CLIC5: variants seen among roughly 807,000 people sequenced by gnomAD.
CLIC5 encodes CLIC family member 5.
CLIC5 carries 20 observed loss-of-function variants against 24.7 expected under a neutral mutation model. That is an observed-to-expected ratio of 0.81 (90% CI 0.57 to 1.18). The LOEUF is 1.18. CLIC5 is among the 50% of genes most tolerant of loss of function. The pLI is 0.00. For missense variants in CLIC5, 341 were observed against 326.1 expected, an observed-to-expected ratio of 1.05 and a Z score of -0.35; for synonymous variants, 159 against 135.6, an observed-to-expected ratio of 1.17 and a Z score of -1.20.
At chr6:46,109,665 T>C in the CLIC5 span, among the ~76,000 whole-genome samples, 2 of 152,178 alleles carry the variant, frequency 1.3e-5, no homozygotes, top group African/African-American at 2.4e-5. Context: ...CATTGCTGAT[T>C]CTTTTTATGT....
At chr6:46,032,494 G>T (rs1183332425) in intron 1 of CLIC5, among the ~76,000 whole-genome samples, 2 of 152,094 alleles carry the variant, frequency 1.3e-5, no homozygotes, top group African/African-American at 4.8e-5. Context: ...TTTTTCACAA[G>T]AAGTTAGGTG....
intron 3 of CLIC5, among the ~76,000 whole-genome samples, chr6:45,948,728 GA>G (rs1163861452): frequency 6.6e-6 from 1 of 152,062 alleles, no homozygotes. Context: ...TACTCTCCCT[GA>G]ACCTGTTTGC....
At chr6:45,935,941 A>T (rs1477080253) in intron 4 of CLIC5, among the ~76,000 whole-genome samples, 2 of 152,110 alleles carry the variant, frequency 1.3e-5, no homozygotes, top group Non-Finnish European at 2.9e-5. Context: ...TAAAACAACA[A>T]CAACAACAAT....
At chr6:46,107,600 A>G in the CLIC5 span, among the ~76,000 whole-genome samples, 1 of 152,252 alleles carries the variant, frequency 6.6e-6, no homozygotes, top group Non-Finnish European at 1.5e-5. Flanking sequence ...GTACATAAGA[A>G]AAGTAGGAAG....
At chr6:46,087,275 G>A in the CLIC5 span, among the ~76,000 whole-genome samples, 1 of 152,116 alleles carries the variant, frequency 6.6e-6, no homozygotes, top group African/African-American at 2.4e-5. Context: ...AAACACAAAA[G>A]GGGACATTAA....
Position 45,912,339 on chromosome 6 carries a change from C to T in CLIC5, c.588+1889G>A, listed in dbSNP as rs111377022. 1,393 of 1,020,114 alleles carry T rather than the reference C, an allele frequency of 1.4e-3. 13 individuals are homozygous for T. The African/African-American group carries it at 0.021, about 15-fold the overall frequency. The allele number at this position is 1,020,114 out of a possible 1,614,324, so 63.2% of individuals were successfully genotyped here. A position where few individuals can be genotyped will look rare whatever the true frequency, so the allele number is the denominator to read the frequency against. On this transcript the variant is annotated intron_variant, in intron 5 of 5. Coordinates refer to ENST00000339561, the MANE Select transcript of CLIC5 (RefSeq NM_016929.5). ...TCTCCAGCTTCTCTGGGTTAACCAC[C>T]CACTGAATTTTCTCCAAGGACAGGG...
chr6:45,903,072 G>A lies in CLIC5; in HGVS notation c.*16C>T. 1 of 1,613,872 alleles carries A rather than the reference G, an allele frequency of 6.2e-7. No homozygotes were observed. Among genetic ancestry groups the A allele is most frequent in the Middle Eastern group, 1.7e-4 (1 of 5,978 alleles). Reference sequence around the variant, plus strand: ...TTGAGTCCTTCTGCAGCGGGGATGGGGCAAAATGGCTGTGCTCAGGATCGG... The same window carrying A: ...TTGAGTCCTTCTGCAGCGGGGATGGAGCAAAATGGCTGTGCTCAGGATCGG... On this transcript the variant is annotated 3_prime_UTR_variant, in exon 6 of 6. Transcript: ENST00000339561.
At chr6:46,042,895 TG>T (rs1224056784) in intron 1 of CLIC5, among the ~76,000 whole-genome samples, 39 of 152,252 alleles carry the variant, frequency 2.6e-4, no homozygotes, top group Non-Finnish European at 4.0e-4. Flanking sequence ...CTCTACTACA[TG>T]CCTCCCTCAA....
At chr6:45,890,778 T>C (rs1033072870) in intron 6 of CLIC5, among the ~76,000 whole-genome samples, 1 of 152,130 alleles carries the variant, frequency 6.6e-6, no homozygotes, top group Non-Finnish European at 1.5e-5. Flanking sequence ...TGTGACAACA[T>C]GGATTAGCCT....
chr6:45,974,518 T>TAG (rs1765317088), intron 1 of CLIC5, among the ~76,000 whole-genome samples: 7 of 84,126 alleles, frequency 8.3e-5, no homozygotes, highest in Non-Finnish European at 1.4e-4. Flanking sequence ...TATATATATA[T>TAG]ATATAGAGAG....
intron 1 of CLIC5, among the ~76,000 whole-genome samples, chr6:46,048,005 C>CG (rs1768001952): frequency 7.2e-6 from 1 of 139,180 alleles, no homozygotes; most frequent in Non-Finnish European, 1.5e-5. Context: ...TCCATATCTA[C>CG]TTTTTTTTTT....
intron 1 of CLIC5, among the ~76,000 whole-genome samples, chr6:46,040,027 C>A (rs141811125): frequency 1.3e-5 from 2 of 152,188 alleles, no homozygotes; most frequent in Non-Finnish European, 2.9e-5. Context: ...GGGTCCCAAC[C>A]TCTCAGCATC....
At chr6:46,063,496 G>A (rs1433651457) in intron 1 of CLIC5, among the ~76,000 whole-genome samples, 1 of 152,186 alleles carries the variant, frequency 6.6e-6, no homozygotes, top group African/African-American at 2.4e-5. Flanking sequence ...GGAAGGTCAA[G>A]GCAGATAGAA....
intron 2 of CLIC5, among the ~76,000 whole-genome samples, chr6:45,950,548 G>A (rs1480583229): frequency 1.3e-5 from 2 of 152,168 alleles, no homozygotes; most frequent in African/African-American, 4.8e-5. Flanking sequence ...TCCAGTCTGG[G>A]GGACAGAGTG....
Position 45,903,249 on chromosome 6 carries a change from C to A in CLIC5, c.595G>T (p.Ala199Ser). Residue 199 changes from alanine to serine, a missense_variant, in exon 6 of 6, where the codon GCC becomes TCC. Physicochemically the swap from Ala to Ser is moderately conservative, Grantham distance 99. Coordinates refer to ENST00000339561, the MANE Select transcript of CLIC5 (RefSeq NM_016929.5). ...ATATCATAGTTGCGGTATTTCTTGG[C>A]CACAATCTAAAACAGAGATGGCAGG... is the stretch of plus-strand genomic sequence containing the variant. ...LPKLHVVKIV[A>S]KKYRNYDIPA... 1 of 1,575,990 alleles carries A rather than the reference C, an allele frequency of 6.3e-7. No homozygotes were observed. The highest frequency in any genetic ancestry group is 1.8e-5 in the Admixed American group (1 of 56,536).
intron 6 of CLIC5, among the ~76,000 whole-genome samples, chr6:45,881,965 A>G (rs1024322542): frequency 1.1e-5 from 1 of 94,720 alleles, no homozygotes; most frequent in Non-Finnish European, 2.1e-5. Context: ...TAGTCAGAGA[A>G]AGAAGACTTC....
intron 1 of CLIC5, among the ~76,000 whole-genome samples, chr6:46,006,482 C>CA (rs1244748877): frequency 6.6e-6 from 1 of 151,834 alleles, no homozygotes; most frequent in Non-Finnish European, 1.5e-5. Flanking sequence ...AATATCCATT[C>CA]ACACCCTCTT....
intron 1 of CLIC5, among the ~76,000 whole-genome samples, chr6:46,046,813 A>G (rs986854613): frequency 2.6e-5 from 4 of 152,176 alleles, no homozygotes; most frequent in Non-Finnish European, 4.4e-5. Flanking sequence ...GCATGCCTGG[A>G]GGAAGTGTGG....
chr6:45,891,114 T>C (rs1054871602), intron 6 of CLIC5, among the ~76,000 whole-genome samples: 1 of 152,254 alleles, frequency 6.6e-6, no homozygotes, highest in Non-Finnish European at 1.5e-5. Flanking sequence ...TTTGAGGTGA[T>C]GGATATGCAA....
Sources: gnomAD v4.1 joint callset for allele counts (sites outside exome capture counted in the v4.1 genomes callset) on GRCh38, gnomAD v4.1.1 for gene constraint, MANE v1.5 for transcripts, NCBI Gene and HGNC (gene_info 2026-07-23, HGNC 2026-07-21) for gene names.